PEPD: variants seen among roughly 807,000 people sequenced by gnomAD.
PEPD encodes peptidase D.
Under a neutral mutation model 60.7 loss-of-function variants are expected in PEPD, and 53 were observed. That is an observed-to-expected ratio of 0.87 (90% CI 0.70 to 1.10). The LOEUF (loss-of-function observed/expected upper bound fraction) is 1.10, where lower values mean the gene tolerates loss of function less well. Ranked by LOEUF, PEPD falls within the 50% of genes least tolerant of loss-of-function variation. PEPD has a pLI of 0.00. For missense variants in PEPD, 711 were observed against 711.9 expected, an observed-to-expected ratio of 1.00 and a Z score of 0.01; for synonymous variants, 267 against 284.1, an observed-to-expected ratio of 0.94 and a Z score of 0.60.
intron 3 of PEPD, among the ~76,000 whole-genome samples, chr19:33,510,673 G>C (rs1199737122): frequency 1.3e-5 from 2 of 152,198 alleles, no homozygotes. Flanking sequence ...CATGTTGGGT[G>C]GACCCAGTTT....
intron 9 of PEPD, among the ~76,000 whole-genome samples, chr19:33,455,208 T>C (rs77099122): frequency 0.011 from 1,700 of 152,346 alleles, 26 homozygotes; most frequent in South Asian, 0.07. Context: ...ACAAATGTTC[T>C]AAAGTAATGT....
rs561476022 is a variant in PEPD, at chr19:33,463,050, C to T, written c.625-9G>A. 3.3e-4 allele frequency: 520 copies of T among 1,557,794 alleles called. 12 individuals carry two copies. In the South Asian group the frequency reaches 5.3e-3, roughly 16 times the overall value. ...TTTACAGCCTTCATTACCTGGAGGA[C>T]GGATATTAAGCAAAGACATTTGTAT... On this transcript the variant is annotated splice_polypyrimidine_tract_variant and intron_variant, in intron 8 of 14. Transcript: ENST00000244137.
chr19:33,456,067 T>C (rs1044176485), intron 9 of PEPD, among the ~76,000 whole-genome samples: 1 of 152,144 alleles, frequency 6.6e-6, no homozygotes, highest in Non-Finnish European at 1.5e-5. Flanking sequence ...GTTGGTTTTC[T>C]CCACATGCCC....
chr19:33,505,020 G>A (rs113365230), intron 3 of PEPD, among the ~76,000 whole-genome samples: 1 of 152,168 alleles, frequency 6.6e-6, no homozygotes, highest in Non-Finnish European at 1.5e-5. Context: ...GTGACTGCCA[G>A]CAACTGTGGG....
chr19:33,465,025 C>T, intron 7 of PEPD, among the ~76,000 whole-genome samples: 1 of 151,964 alleles, frequency 6.6e-6, no homozygotes, highest in East Asian at 1.9e-4. Context: ...AAGATCCCTA[C>T]TCTGTGCCTC....
In PEPD at chr19:33,411,742, T is replaced by C; in HGVS notation, c.748A>G (p.Asn250Asp). ...TGTCCGTAGTGTAGCACGGCTGAGTTCTCACCACTGCAAAGAGCCGGGGGA... is the reference window on the plus strand; with the variant it reads ...TGTCCGTAGTGTAGCACGGCTGAGTCCTCACCACTGCAAAGAGCCGGGGGA... ...SYTCICGSGE[N>D]SAVLHYGHAG... Residue 250 changes from asparagine (N) to aspartate (D), a missense_variant, in exon 11 of 15, where the codon AAC becomes GAC. Physicochemically the swap from Asn to Asp is conservative, Grantham distance 23 (BLOSUM62 1). Transcript: ENST00000244137. 1 of 1,604,174 alleles carries C rather than the reference T, an allele frequency of 6.2e-7. No individual in the cohort carries two copies. The highest frequency in any genetic ancestry group is 8.5e-7 in the Non-Finnish European group (1 of 1,171,602).
At chr19:33,424,993 AAAAC>A (rs1434556404) in intron 9 of PEPD, among the ~76,000 whole-genome samples, 1 of 148,560 alleles carries the variant, frequency 6.7e-6, no homozygotes, top group Non-Finnish European at 1.5e-5. Context: ...AAAAAACAAA[AAAAC>A]AAACAACAAC....
At chr19:33,466,050 C>T (rs975580746) in intron 7 of PEPD, among the ~76,000 whole-genome samples, 1 of 152,184 alleles carries the variant, frequency 6.6e-6, no homozygotes, top group African/African-American at 2.4e-5. Flanking sequence ...TAATTAGACA[C>T]TGGACAGCAA....
chr19:33,433,376 C>T (rs1348905030), intron 9 of PEPD, among the ~76,000 whole-genome samples: 1 of 152,240 alleles, frequency 6.6e-6, no homozygotes, highest in African/African-American at 2.4e-5. Context: ...ACACCAAAGC[C>T]CTTGAGACAC....
intron 12 of PEPD, among the ~76,000 whole-genome samples, chr19:33,400,184 G>C (rs1306872009): frequency 6.6e-6 from 1 of 152,216 alleles, no homozygotes; most frequent in Non-Finnish European, 1.5e-5. Context: ...GGGCGAGGGT[G>C]GGGGCAAGCT....
rs754986 is a variant in PEPD at position 33,411,903 on chromosome 19, A to G, written c.741-154T>C. Among the ~76,000 whole-genome samples the G allele has an allele frequency of 0.33, 50,739 of 152,174 alleles. 12,157 individuals carry two copies. Among genetic ancestry groups the G allele is most frequent in the African/African-American group, 0.68 (28,354 of 41,518 alleles). ...CTGGACCAGGTCCACAGCCAGAGGT[A>G]AGGCCGGGGGACATGGTGGCCCTGT... On this transcript the variant is annotated intron_variant, in intron 10 of 14. Transcript: ENST00000244137.
At position 33,388,049 on chromosome 19, in the gene PEPD, C is replaced by G. The variant is rs1448038944; in HGVS notation, c.1185G>C (p.Arg395=). 1.0e-5 allele frequency: 16 copies of G among 1,556,730 alleles called. No individual in the cohort carries two copies. The highest frequency in any genetic ancestry group is 1.3e-5 in the Non-Finnish European group (15 of 1,151,148). ...GVERIDEPGL[R]SLRTARHLQP... ...GCAGGTGCCGTGCAGTGCGCAGGCT[C>G]CGCAGGCCGGGCTCGTCGATGCGCT... The change falls in exon 14 of 15, where the codon CGG becomes CGC. Residue 395 remains arginine, a synonymous_variant. Coordinates refer to ENST00000244137, the MANE Select transcript of PEPD (RefSeq NM_000285.4).
At chr19:33,491,321 A>G (rs1368571690) in intron 5 of PEPD, among the ~76,000 whole-genome samples, 1 of 152,002 alleles carries the variant, frequency 6.6e-6, no homozygotes, top group East Asian at 1.9e-4. Context: ...GTGGTGGTGC[A>G]TGCCTGTAAT....
At chr19:33,452,910 G>T (rs1006547924) in intron 9 of PEPD, among the ~76,000 whole-genome samples, 1 of 152,218 alleles carries the variant, frequency 6.6e-6, no homozygotes, top group Non-Finnish European at 1.5e-5. Flanking sequence ...AAACATGGGG[G>T]TGCTTCCCAA....
chr19:33,465,019 T>A (rs564285362), intron 7 of PEPD, among the ~76,000 whole-genome samples: 2 of 152,222 alleles, frequency 1.3e-5, no homozygotes, highest in South Asian at 2.1e-4. Context: ...GTGGCCAAGA[T>A]CCCTACTCTG....
rs1340306922 is a variant in PEPD, at chr19:33,511,048, G to T, written c.309C>A (p.Ser103Arg). The change falls in exon 3 of 15, where the codon AGC (serine) becomes AGA (arginine). Residue 103 changes from serine to arginine, a missense_variant. Coordinates refer to ENST00000244137, the MANE Select transcript of PEPD (RefSeq NM_000285.4). ...CTTACTTTCCCATCCAGGTGGCATGGCTGGCAGGAAGCCTGGGCACAAACA... is the reference window on the plus strand; with the variant it reads ...CTTACTTTCCCATCCAGGTGGCATGTCTGGCAGGAAGCCTGGGCACAAACA... ...STLFVPRLPA[S>R]HATWMGKIHS... 3.1e-6 allele frequency: 5 copies of T among 1,613,764 alleles called. 1 individual carries two copies. The highest frequency in any genetic ancestry group is 4.2e-6 in the Non-Finnish European group (5 of 1,179,884).
intron 2 of PEPD, among the ~76,000 whole-genome samples, chr19:33,511,868 G>A (rs895504099): frequency 3.3e-5 from 5 of 152,162 alleles, no homozygotes; most frequent in African/African-American, 1.2e-4. Context: ...GTGGAGAGAC[G>A]GGACCCTTCA....
intron 7 of PEPD, among the ~76,000 whole-genome samples, chr19:33,471,506 T>A (rs1970118960): frequency 6.6e-6 from 1 of 152,060 alleles, no homozygotes; most frequent in African/African-American, 2.4e-5. Flanking sequence ...GACAAAAGGG[T>A]GCCCCAGCCT....
At chr19:33,485,577 C>CAA (rs781088833) in intron 6 of PEPD, among the ~76,000 whole-genome samples, 82 of 151,516 alleles carry the variant, frequency 5.4e-4, no homozygotes, top group Non-Finnish European at 9.6e-4. Context: ...GTCCTCAAAC[C>CAA]ACAGATTGGT....
Sources: allele counts gnomAD v4.1 joint callset (sites outside exome capture counted in the v4.1 genomes callset), GRCh38; gene constraint gnomAD v4.1.1; transcripts MANE v1.5; gene names NCBI Gene and HGNC (gene_info 2026-07-23, HGNC 2026-07-21).